Variants in PLCG2 observed in about 807,000 individuals in gnomAD.
PLCG2 encodes phospholipase C gamma 2.
PLCG2 carries 69 observed loss-of-function variants against 175.6 expected under a neutral mutation model. That is an observed-to-expected ratio of 0.39 (90% CI 0.32 to 0.48). PLCG2 has a LOEUF of 0.48. Ranked by LOEUF, PLCG2 falls within the 20% of genes least tolerant of loss-of-function variation. The pLI, the probability that PLCG2 is intolerant of heterozygous loss-of-function variation, is 0.91. For missense variants in PLCG2, 1,798 were observed against 1,650.9 expected (o/e 1.09, Z -1.54); for synonymous variants, 827 against 624.0 (o/e 1.33, Z -4.85).
intron 14 of PLCG2, among the ~76,000 whole-genome samples, chr16:81,901,431 C>G (rs1479239919): frequency 6.6e-6 from 1 of 152,318 alleles, no homozygotes; most frequent in African/African-American, 2.4e-5. Context: ...GGAGAATGTT[C>G]TGTGAGTTTT....
chr16:81,771,023 A>ACTC (rs1190154664), intron 2 of PLCG2, among the ~76,000 whole-genome samples: 1 of 149,966 alleles, frequency 6.7e-6, no homozygotes, highest in Non-Finnish European at 1.5e-5. Context: ...ATGCCCCTGC[A>ACTC]CTCCAGCCTT....
intron 2 of PLCG2, among the ~76,000 whole-genome samples, chr16:81,826,723 C>T (rs1905063192): frequency 6.6e-6 from 1 of 152,176 alleles, no homozygotes; most frequent in South Asian, 2.1e-4. Flanking sequence ...TTTGACGAGT[C>T]TACCCATTTT....
At chr16:81,936,519 A>G (rs1198529295) in intron 27 of PLCG2, 141 bp downstream of exon 27, 2 of 685,604 alleles carry the variant, frequency 2.9e-6, no homozygotes, top group South Asian at 3.5e-5. Context: ...TCAGCAGAGT[A>G]ATGGTTAGTA....
At chr16:81,870,224 T>G (rs1021740609) in intron 6 of PLCG2, among the ~76,000 whole-genome samples, 1 of 152,238 alleles carries the variant, frequency 6.6e-6, no homozygotes, top group Non-Finnish European at 1.5e-5. Context: ...AAGTATTTAC[T>G]GAACCAGGTG....
upstream of PLCG2, among the ~76,000 whole-genome samples, chr16:81,777,545 C>G (rs1910448948): frequency 6.6e-6 from 1 of 151,666 alleles, no homozygotes; most frequent in African/African-American, 2.4e-5. Context: ...CATAATGAGT[C>G]CTTCCAAGAT....
chr16:81,823,616 C>T (rs146565612), intron 2 of PLCG2, among the ~76,000 whole-genome samples: 2,024 of 152,184 alleles, frequency 0.013, 48 homozygotes, highest in African/African-American at 0.047. Flanking sequence ...GCCTCAAACT[C>T]CTGGGCTCAA....
chr16:81,910,435 T>C, intron 17 of PLCG2, 85 bp from the exon 18 acceptor site: 1 of 1,205,544 alleles, frequency 8.3e-7, no homozygotes, highest in Non-Finnish European at 1.2e-6. Context: ...TGTGGCCACA[T>C]GTAATGTCCC....
chr16:81,927,032 A>C (rs767731118), intron 22 of PLCG2, 50 bp from the exon 23 acceptor site: 81 of 1,213,174 alleles, frequency 6.7e-5, no homozygotes, highest in Non-Finnish European at 9.8e-5. Flanking sequence ...AGTAGTGGGT[A>C]ATTCATGCCA....
intron 14 of PLCG2, among the ~76,000 whole-genome samples, chr16:81,903,303 G>A (rs770185730): frequency 6.6e-6 from 1 of 152,120 alleles, no homozygotes; most frequent in Non-Finnish European, 1.5e-5. Flanking sequence ...CCAGGAAGTC[G>A]TGGTTTGGTA....
chr16:81,860,163 ATTATTATTATTTTTT>A (rs1567502944), intron 5 of PLCG2, among the ~76,000 whole-genome samples: 2 of 97,026 alleles, frequency 2.1e-5, no homozygotes, highest in African/African-American at 7.1e-5. Context: ...TATTATTATT[ATTATTATTATTTTTT>A]TTTTTTTTTG....
chr16:81,839,350 T>A (rs571422502), intron 2 of PLCG2, among the ~76,000 whole-genome samples: 4 of 151,718 alleles, frequency 2.6e-5, no homozygotes, highest in African/African-American at 9.7e-5. Context: ...AATCCATGTG[T>A]GAGGAAAAAA....
chr16:81,900,791 C>T lies in PLCG2; in HGVS notation c.1362+11C>T, dbSNP rs759198585. The T allele has an allele frequency of 1.8e-5, 28 of 1,591,382 alleles. No individual in the cohort carries two copies. Among genetic ancestry groups the T allele is most frequent in the Admixed American group, 1.5e-4 (9 of 59,550 alleles). On this transcript the variant is annotated intron_variant, in intron 14 of 32. Coordinates refer to ENST00000564138, the MANE Select transcript of PLCG2 (RefSeq NM_002661.5). ...AAGATCATCATCAAGGTAGGCACCC[C>T]GGGTGCTGCTGTTGGCTGTCCAGGG...
At chr16:81,758,208 G>T (rs12919546) in intron 2 of PLCG2, among the ~76,000 whole-genome samples, 73,539 of 152,008 alleles carry the variant, frequency 0.48, 19,522 homozygotes, top group Non-Finnish European at 0.59. Context: ...AAAGTCCTGG[G>T]CTCAAGCGAT....
At chr16:81,755,251 C>T (rs891131980) in intron 1 of PLCG2, among the ~76,000 whole-genome samples, 11 of 151,936 alleles carry the variant, frequency 7.2e-5, no homozygotes, top group South Asian at 2.1e-4. Context: ...GGCTGGAGTA[C>T]GGTGCCGTCA....
At chr16:81,741,206 A>G (rs1909586843) in intron 1 of PLCG2, among the ~76,000 whole-genome samples, 1 of 152,016 alleles carries the variant, frequency 6.6e-6, no homozygotes, top group South Asian at 2.1e-4. Context: ...GAGGAAACAA[A>G]CAAACTTGTA....
At chr16:81,950,633 A>G (rs528437969) in intron 31 of PLCG2, among the ~76,000 whole-genome samples, 1 of 147,644 alleles carries the variant, frequency 6.8e-6, no homozygotes, top group East Asian at 1.9e-4. Flanking sequence ...ACTTTAATAC[A>G]TTTTTTAAAA....
intron 9 of PLCG2, chr16:81,883,589 T>A (rs896175134): frequency 7.3e-6 from 4 of 545,484 alleles, no homozygotes; most frequent in African/African-American, 1.9e-5. Context: ...AAGGCACACA[T>A]TGAGGATGAG....
intron 2 of PLCG2, among the ~76,000 whole-genome samples, chr16:81,851,313 A>T (rs1906397906): frequency 6.6e-6 from 1 of 152,250 alleles, no homozygotes; most frequent in Non-Finnish European, 1.5e-5. Context: ...TCGCTGGTGC[A>T]GTGCTATTAA....
At chr16:81,816,809 A>T (rs1221215486) in intron 2 of PLCG2, among the ~76,000 whole-genome samples, 1 of 151,788 alleles carries the variant, frequency 6.6e-6, no homozygotes, top group Admixed American at 6.6e-5. Flanking sequence ...GCCAGAAATT[A>T]TGACTTACTC....
Sources: allele counts gnomAD v4.1 joint callset (sites outside exome capture counted in the v4.1 genomes callset), GRCh38; gene constraint gnomAD v4.1.1; transcripts MANE v1.5; gene names NCBI Gene and HGNC (gene_info 2026-07-23, HGNC 2026-07-21).